Variants in NRAP observed in about 807,000 individuals in gnomAD.
NRAP encodes the protein nebulin-related-anchoring protein.
NRAP carries 189 observed loss-of-function variants against 225.9 expected under a neutral mutation model. The observed-to-expected ratio is 0.84, with a 90% CI of 0.74 to 0.94. NRAP has a LOEUF of 0.94. Among genes scored for constraint, NRAP ranks in the 40% least tolerant of loss-of-function variants. The pLI, the probability that NRAP is intolerant of heterozygous loss-of-function variation, is 0.00. For missense variants in NRAP, 2,176 were observed against 2,168.7 expected (o/e 1.00, Z -0.07); for synonymous variants, 769 against 790.7 (o/e 0.97, Z 0.46).
chr10:113,622,360 T>C (rs1592787133), intron 23 of NRAP, among the ~76,000 whole-genome samples, 180 bp from the exon 24 acceptor site: 1 of 152,158 alleles, frequency 6.6e-6, no homozygotes, highest in East Asian at 1.9e-4. Context: ...TGAAAGAAAA[T>C]AGTATTACCT....
In NRAP at chr10:113,657,573, A is replaced by T; in HGVS notation, c.257T>A (p.Ile86Asn). The change falls in exon 4 of 42, where the codon ATC (isoleucine) becomes AAC (asparagine). Residue 86 changes from isoleucine to asparagine, a missense_variant and splice_region_variant. Ile to Asn is a moderately radical substitution (Grantham distance 149, BLOSUM62 -3). Coordinates refer to ENST00000359988, the MANE Select transcript of NRAP (RefSeq NM_198060.4). ...VRTFPEAISG[I>N]HDQEDGEQCK... ...CTGTTCACCATCTTCTTGGTCATGG[A>T]TCTGCTCAAGGAAGATGTTGTCAGT... 6.6e-7 allele frequency: 1 copy of T among 1,511,066 alleles called. No individual in the cohort carries two copies. Among genetic ancestry groups the T allele is most frequent in the South Asian group, 1.1e-5 (1 of 88,776 alleles). 93.6% of individuals were successfully genotyped at this position (1,511,066 alleles called of 1,614,324 possible).
chr10:113,650,259 A>G, intron 8 of NRAP, 118 bp from the exon 9 acceptor site: 2 of 794,810 alleles, frequency 2.5e-6, no homozygotes, highest in Non-Finnish European at 4.3e-6. Flanking sequence ...GGGAGTAGGT[A>G]TGTCTCAGAC....
rs770505863 is a variant in NRAP at position 113,645,848 on chromosome 10, T to C, written c.1087A>G (p.Ser363Gly). ...ACCTCACTCACGAGTTTGTTTACGC[T>C]CTGAGCCTGTTTGAGAACCAAGTTG... ...QDNLVLKQAQ[S>G]VNKLVSEVEY... Residue 363 changes from serine to glycine, a missense_variant, in exon 11 of 42, where the codon AGC becomes GGC. Ser to Gly is a moderately conservative substitution (Grantham distance 56, BLOSUM62 0). Transcript: ENST00000359988. 127 of 1,603,420 alleles carry C rather than the reference T, an allele frequency of 7.9e-5. 1 individual carries two copies. In the South Asian group the frequency reaches 1.4e-3, roughly 17 times the overall value.
Position 113,646,938 on chromosome 10 carries a change from G to A in NRAP, c.978C>T (p.His326=), listed in dbSNP as rs371839135. 28 of 1,613,166 alleles carry A rather than the reference G, an allele frequency of 1.7e-5. No individual in the cohort carries two copies. The highest frequency in any genetic ancestry group is 1.6e-4 in the Middle Eastern group (1 of 6,080). Residue 326 remains histidine, a synonymous_variant, in exon 10 of 42, where the codon CAC becomes CAT. Transcript: ENST00000359988. ...TGGTACTTACGTCACTAGCGAGTTC[G>A]TGAGCTTTCTTGGCGTTCTGATATG... ...TPAYQNAKKA[H]ELASDIKYRQ... is the part of the protein sequence containing the mutation.
Position 113,589,846 on chromosome 10 carries a change from C to G in NRAP, c.4957-49G>C, listed in dbSNP as rs367726303. 5.7e-6 allele frequency: 9 copies of G among 1,589,938 alleles called. No homozygotes were observed. The African/African-American group carries it at 1.2e-4, about 22-fold the overall frequency. On this transcript the variant is annotated intron_variant, in intron 40 of 41. Coordinates refer to ENST00000359988, the MANE Select transcript of NRAP (RefSeq NM_198060.4). ...AGGAATATGTCAGCAGGGTTTGGAG[C>G]GGTTTGACCATTAAGTAAAGAAGAT...
Position 113,624,980 on chromosome 10 carries a change from G to T in NRAP, c.2245-50C>A, listed in dbSNP as rs747154677. ...GGAGCAGGTGGCAAGGGCGAGGTGG[G>T]CAGGGTGGCATCCCTCATGGTGTCT... On this transcript the variant is annotated intron_variant, in intron 21 of 41. Coordinates refer to ENST00000359988, the MANE Select transcript of NRAP (RefSeq NM_198060.4). 2.6e-6 allele frequency: 3 copies of T among 1,133,562 alleles called. No homozygotes were observed. In the Admixed American group the frequency reaches 5.1e-5, roughly 19 times the overall value. 70.2% of individuals were successfully genotyped at this position (1,133,562 alleles called of 1,614,324 possible). A position where few individuals can be genotyped will look rare whatever the true frequency, so the allele number is the denominator to read the frequency against.
At chr10:113,611,831 A>G (rs550540911) in intron 30 of NRAP, among the ~76,000 whole-genome samples, 3 of 152,316 alleles carry the variant, frequency 2.0e-5, no homozygotes, top group South Asian at 2.1e-4. Context: ...ATGCACAACC[A>G]TGAACCTTGA....
chr10:113,590,756 A>T lies in NRAP; in HGVS notation c.4778T>A (p.Phe1593Tyr), dbSNP rs1302367361. The change falls in exon 40 of 42, where the codon TTT becomes TAT. Residue 1593 changes from phenylalanine (F) to tyrosine (Y), a missense_variant. Phe to Tyr is a conservative substitution (Grantham distance 22). Transcript: ENST00000359988. ...LQSDNEYKKDFAKSRSQFHSS... is the reference protein window; with the variant it reads ...LQSDNEYKKDYAKSRSQFHSS... ...GTGAAACTGGGACCGACTCTTGGCA[A>T]AGTCCTTCTTGTACTCATTGTCACT... The T allele has an allele frequency of 6.2e-7, 1 of 1,614,184 alleles. No homozygotes were observed. The highest frequency in any genetic ancestry group is 2.2e-5 in the East Asian group (1 of 44,880).
chr10:113,628,381 G>C (rs976658676), intron 20 of NRAP, among the ~76,000 whole-genome samples: 1 of 151,998 alleles, frequency 6.6e-6, no homozygotes, highest in Admixed American at 6.5e-5. Flanking sequence ...GTAGAGACGG[G>C]GTTTCACCGT....
chr10:113,605,308 C>G (rs1049914688), intron 34 of NRAP, among the ~76,000 whole-genome samples: 1 of 152,216 alleles, frequency 6.6e-6, no homozygotes, highest in Non-Finnish European at 1.5e-5. Flanking sequence ...GAGAAAGTCA[C>G]CTTCATGTCC....
intron 38 of NRAP, 136 bp downstream of exon 38, chr10:113,595,487 G>T: frequency 1.7e-6 from 1 of 604,004 alleles, no homozygotes. Context: ...CACACAAACA[G>T]TTTCTCAGTT....
intron 18 of NRAP, among the ~76,000 whole-genome samples, chr10:113,631,149 A>G (rs1336056789): frequency 6.6e-6 from 1 of 152,206 alleles, no homozygotes; most frequent in Admixed American, 6.5e-5. Flanking sequence ...CTTTTGGTCC[A>G]TGAGGGAGAA....
chr10:113,636,955 C>T (rs1039115933), intron 14 of NRAP, among the ~76,000 whole-genome samples: 2 of 143,506 alleles, frequency 1.4e-5, no homozygotes, highest in Admixed American at 1.5e-4. Flanking sequence ...TGCAGTGAGC[C>T]ACGATCATGC....
Position 113,592,225 on chromosome 10 carries a change from G to T in NRAP, c.4613C>A (p.Thr1538Asn). The stretch of plus-strand genomic sequence containing the variant: ...GGCGATCTCCCTAGATGCCCGGGCA[G>T]TCTGGAAGGGGATGGCATCCAGCCT... ...DFRLDAIPFQ[T>N]ARASREIASD... The change falls in exon 39 of 42, where the codon ACT becomes AAT. Residue 1538 changes from threonine to asparagine, a missense_variant. Thr to Asn is a moderately conservative substitution (Grantham distance 65). This residue lies in a region of NRAP where 445 missense variants were observed against 426.1 expected (regional missense o/e 1.04). Transcript: ENST00000359988. 6.2e-7 allele frequency: 1 copy of T among 1,611,684 alleles called. No individual in the cohort carries two copies. Among genetic ancestry groups the T allele is most frequent in the Non-Finnish European group, 8.5e-7 (1 of 1,178,602 alleles).
chr10:113,654,036 T>C lies in NRAP; in HGVS notation c.450A>G (p.Arg150=), dbSNP rs1428012350. The C allele has an allele frequency of 1.9e-6, 3 of 1,612,012 alleles. No homozygotes were observed. ...DPEIVRMVEA[R]KSLGEEYTED... is the part of the protein sequence containing the mutation. The stretch of plus-strand genomic sequence containing the variant: ...GGGTGCTTACCTCACCAAGAGACTT[T>C]CGAGCCTCAACCATCCTTACAATTT... Residue 150 remains arginine (R), a synonymous_variant, in exon 5 of 42, where the codon CGA becomes CGG. Transcript: ENST00000359988.
chr10:113,600,380 A>T (rs116091737), intron 35 of NRAP, among the ~76,000 whole-genome samples: 1,571 of 152,024 alleles, frequency 0.01, 25 homozygotes, highest in African/African-American at 0.036. Flanking sequence ...GAGTCTCCCT[A>T]TGTTGCCCAA....
intron 41 of NRAP, chr10:113,589,378 C>G (rs937410060): frequency 5.3e-6 from 3 of 570,708 alleles, no homozygotes; most frequent in East Asian, 5.8e-5. Flanking sequence ...AGCAAGCAGT[C>G]AGCACAGCCT....
intron 13 of NRAP, among the ~76,000 whole-genome samples, chr10:113,640,890 C>T (rs568103607): frequency 6.6e-6 from 1 of 152,134 alleles, no homozygotes; most frequent in South Asian, 2.1e-4. Context: ...AGGACTTGAT[C>T]TACTCTGTTA....
rs924515284 is a variant in NRAP at position 113,638,775 on chromosome 10, A to G, written c.1428+1452T>C. Among the ~76,000 whole-genome samples the G allele has an allele frequency of 6.6e-5, 10 of 152,224 alleles. No homozygotes were observed. The East Asian group carries it at 1.9e-3, about 29-fold the overall frequency. On this transcript the variant is annotated intron_variant, in intron 14 of 41. Coordinates refer to ENST00000359988, the MANE Select transcript of NRAP (RefSeq NM_198060.4). ...ACAACAACAACAAAACCCACTGTGTAGCCAAACAAAGCACTTCCGTAGTGC... is the reference window on the plus strand; with the variant it reads ...ACAACAACAACAAAACCCACTGTGTGGCCAAACAAAGCACTTCCGTAGTGC...
Sources: gnomAD v4.1 joint callset for allele counts (sites outside exome capture counted in the v4.1 genomes callset) on GRCh38, gnomAD v4.1.1 for gene constraint, gnomAD v4.1.1 regional missense constraint, MANE v1.5 for transcripts, NCBI Gene and HGNC (gene_info 2026-07-23, HGNC 2026-07-21) for gene names.